The following NALCN variants were observed in gnomAD, a reference collection of about 807,000 sequenced individuals.
The protein encoded by NALCN is sodium leak channel, non-selective.
NALCN carries 111 observed loss-of-function variants against 225.3 expected under a neutral mutation model. That is an observed-to-expected ratio of 0.49 (90% CI 0.42 to 0.58). NALCN has a LOEUF of 0.58. Among genes scored for constraint, NALCN ranks in the 20% least tolerant of loss-of-function variants. The pLI is 0.00. For missense variants in NALCN, 1,378 were observed against 2,202.4 expected, an observed-to-expected ratio of 0.63 and a Z score of 7.49; for synonymous variants, 764 against 769.0, an observed-to-expected ratio of 0.99 and a Z score of 0.11.
intron 37 of NALCN, among the ~76,000 whole-genome samples, chr13:101,071,079 C>A (rs1277772165): frequency 6.6e-6 from 1 of 152,140 alleles, no homozygotes; most frequent in East Asian, 1.9e-4. Context: ...AGAAACCACC[C>A]CCATGATTCA....
intron 7 of NALCN, among the ~76,000 whole-genome samples, chr13:101,339,912 C>T (rs1189155957): frequency 6.6e-6 from 1 of 151,978 alleles, no homozygotes; most frequent in Non-Finnish European, 1.5e-5. Context: ...GAATGCTAGT[C>T]ATTGATTGGA....
chr13:101,289,525 C>CATATATATATATATATATATATATATAT (rs10549837), intron 9 of NALCN, among the ~76,000 whole-genome samples: 1 of 140,858 alleles, frequency 7.1e-6, no homozygotes, highest in Non-Finnish European at 1.5e-5. Flanking sequence ...TGAAAATGTG[C>CATATATATATATATATATATATATATAT]ATATATATAT....
chr13:101,173,293 T>G (rs1004474601), intron 15 of NALCN, among the ~76,000 whole-genome samples: 33 of 152,368 alleles, frequency 2.2e-4, no homozygotes, highest in Admixed American at 4.6e-4. Flanking sequence ...AAATAATTCA[T>G]AGTCCTATGA....
chr13:101,241,210 C>A (rs1186948530), intron 11 of NALCN, among the ~76,000 whole-genome samples: 1 of 152,168 alleles, frequency 6.6e-6, no homozygotes, highest in African/African-American at 2.4e-5. Flanking sequence ...TGTATTTTGC[C>A]AGGAAATCAT....
At chr13:101,285,861 C>T (rs182225275) in intron 9 of NALCN, among the ~76,000 whole-genome samples, 142 of 152,234 alleles carry the variant, frequency 9.3e-4, no homozygotes, top group East Asian at 9.7e-4. Context: ...TTGCCAGTCA[C>T]CAGTTATTAA....
chr13:101,123,972 C>T (rs1335468438), intron 18 of NALCN, among the ~76,000 whole-genome samples: 1 of 152,144 alleles, frequency 6.6e-6, no homozygotes, highest in Non-Finnish European at 1.5e-5. Context: ...TGAGTTGTGT[C>T]ATCTACATAT....
intron 6 of NALCN, chr13:101,369,031 T>C (rs1329865108): frequency 2.9e-6 from 1 of 345,222 alleles, no homozygotes; most frequent in Non-Finnish European, 5.7e-6. Flanking sequence ...AAAAAGATAT[T>C]ATTGATAGAT....
At chr13:101,390,324 A>G (rs2047109374) in intron 3 of NALCN, among the ~76,000 whole-genome samples, 1 of 152,120 alleles carries the variant, frequency 6.6e-6, no homozygotes, top group African/African-American at 2.4e-5. Flanking sequence ...GAAATGAAAA[A>G]AGTATTTGAG....
upstream of NALCN, among the ~76,000 whole-genome samples, chr13:101,417,103 C>T (rs1392246425): frequency 6.6e-6 from 1 of 152,156 alleles, no homozygotes; most frequent in African/African-American, 2.4e-5. Flanking sequence ...CCACCCCATA[C>T]CCTGTGAGTA....
intron 3 of NALCN, among the ~76,000 whole-genome samples, chr13:101,391,470 T>G (rs2047142868): frequency 6.9e-6 from 1 of 144,650 alleles, no homozygotes; most frequent in South Asian, 2.2e-4. Flanking sequence ...ATCGCTTGAG[T>G]CTGGGAGTTG....
chr13:101,297,521 C>T (rs1315640388), intron 7 of NALCN, among the ~76,000 whole-genome samples: 1 of 152,180 alleles, frequency 6.6e-6, no homozygotes, highest in Non-Finnish European at 1.5e-5. Context: ...TATGGAACAC[C>T]CCATCTTCTG....
At chr13:101,204,595 G>A (rs184098175) in intron 13 of NALCN, among the ~76,000 whole-genome samples, 4 of 152,036 alleles carry the variant, frequency 2.6e-5, no homozygotes, top group African/African-American at 9.6e-5. Context: ...ATTACTTTAA[G>A]TGGAGTCTAC....
intron 17 of NALCN, among the ~76,000 whole-genome samples, chr13:101,138,666 G>A (rs979841049): frequency 1.3e-5 from 2 of 152,172 alleles, no homozygotes; most frequent in African/African-American, 4.8e-5. Context: ...CAGGCCACAG[G>A]GCAGTGAGAC....
intron 7 of NALCN, among the ~76,000 whole-genome samples, chr13:101,332,877 C>G (rs559258778): frequency 6.6e-6 from 1 of 152,164 alleles, no homozygotes; most frequent in South Asian, 2.1e-4. Flanking sequence ...TCTGTACACA[C>G]GCACACACTC....
At chr13:101,079,772 T>C (rs1298230284) in intron 34 of NALCN, among the ~76,000 whole-genome samples, 1 of 152,204 alleles carries the variant, frequency 6.6e-6, no homozygotes, top group African/African-American at 2.4e-5. Flanking sequence ...GAGAAAATAC[T>C]TCAGGATGAC....
intron 7 of NALCN, among the ~76,000 whole-genome samples, chr13:101,318,533 C>T (rs886649114): frequency 2.0e-5 from 3 of 152,168 alleles, no homozygotes; most frequent in Admixed American, 6.5e-5. Context: ...AGACACCTAG[C>T]ACTTTCAGCT....
intron 7 of NALCN, among the ~76,000 whole-genome samples, chr13:101,320,155 C>T (rs925275199): frequency 1.3e-5 from 2 of 152,162 alleles, no homozygotes; most frequent in Non-Finnish European, 2.9e-5. Context: ...AATCTACCTT[C>T]AGGTATTCAA....
At chr13:101,153,945 GC>G (rs1178965660) in intron 15 of NALCN, among the ~76,000 whole-genome samples, 5 of 152,028 alleles carry the variant, frequency 3.3e-5, no homozygotes, top group African/African-American at 9.7e-5. Context: ...GTAGGTCTGT[GC>G]CCCCCTCACA....
Position 101,378,660 on chromosome 13 carries a change from A to T in NALCN, c.292-7T>A. 1 of 1,605,304 alleles carries T rather than the reference A, an allele frequency of 6.2e-7. No individual in the cohort carries two copies. Among genetic ancestry groups the T allele is most frequent in the Non-Finnish European group, 8.5e-7 (1 of 1,175,362 alleles). ...TCACATAGGAACTATCCCCCTAAAA[A>T]TAAATTTTACATGGCATTATTAGGC... On this transcript the variant is annotated splice_polypyrimidine_tract_variant and splice_region_variant and intron_variant, in intron 3 of 43. Transcript: ENST00000251127.
Sources: allele counts gnomAD v4.1 joint callset (sites outside exome capture counted in the v4.1 genomes callset), GRCh38; gene constraint gnomAD v4.1.1; transcripts MANE v1.5; gene names NCBI Gene and HGNC (gene_info 2026-07-23, HGNC 2026-07-21).